Variants in TRAPPC10 observed in about 807,000 individuals in gnomAD.
TRAPPC10 encodes the protein trafficking protein particle complex subunit 10, also known as TRAPP 130 kDa subunit.
In TRAPPC10, 23 loss-of-function variants were observed where a neutral mutation model predicts 125.5. The observed-to-expected ratio is 0.18, with a 90% confidence interval of 0.13 to 0.26. The LOEUF (loss-of-function observed/expected upper bound fraction) is 0.26, where lower values mean the gene tolerates loss of function less well. TRAPPC10 is among the 10% of genes least tolerant of loss of function. The pLI, the probability that TRAPPC10 is intolerant of heterozygous loss-of-function variation, is 1.00. For synonymous variants in TRAPPC10, 509 were observed against 518.0 expected, an observed-to-expected ratio of 0.98 and a Z score of 0.24; for missense variants, 1,123 against 1,308.4, an observed-to-expected ratio of 0.86 and a Z score of 2.19.
In TRAPPC10 at chr21:44,059,324, G is replaced by T. The variant is rs1234705803; in HGVS notation, c.790+110G>T. 1 of 748,470 alleles carries T rather than the reference G, an allele frequency of 1.3e-6. No individual in the cohort carries two copies. The highest frequency in any genetic ancestry group is 2.3e-6 in the Non-Finnish European group (1 of 442,936). 46.4% of individuals were successfully genotyped at this position (748,470 alleles called of 1,614,324 possible). On this transcript the variant is annotated intron_variant, in intron 6 of 22. Coordinates refer to ENST00000291574, the MANE Select transcript of TRAPPC10 (RefSeq NM_003274.5). The surrounding 1 kb of genome is among the most constrained non-coding windows in gnomAD (Gnocchi z 4.4). ...ACCTCAGGAGTACGCATGTTTTGTT[G>T]TTGTCTTTATACACATTATATCGGA...
At chr21:44,028,846 T>G (rs1393654821) in intron 1 of TRAPPC10, among the ~76,000 whole-genome samples, 1 of 152,158 alleles carries the variant, frequency 6.6e-6, no homozygotes, top group Non-Finnish European at 1.5e-5. Context: ...AACCACCCTA[T>G]TAACAAGCGA....
chr21:44,063,686 C>T lies in TRAPPC10; in HGVS notation c.939C>T (p.Arg313=). Residue 313 remains arginine, a synonymous_variant, in exon 7 of 23, where the codon CGC becomes CGT. Coordinates refer to ENST00000291574, the MANE Select transcript of TRAPPC10 (RefSeq NM_003274.5). This position sits in a 1 kb window ranked among gnomAD's most constrained non-coding sequence, Gnocchi z 4.4. ...ATCTGCGCAGTTACCTGTTCTCTCG[C>T]CAGTGCACCTTGCTGCTCTTCCTGC... The part of the protein sequence containing the change: ...LLDLRSYLFS[R]QCTLLLFLQR... 6.2e-7 allele frequency: 1 copy of T among 1,614,206 alleles called. No homozygotes were observed. Among genetic ancestry groups the T allele is most frequent in the South Asian group, 1.1e-5 (1 of 91,090 alleles).
In TRAPPC10 at chr21:44,059,423, A is replaced by C. The variant is rs752205212; in HGVS notation, c.790+209A>C. 3 of 704,116 alleles carry C rather than the reference A, an allele frequency of 4.3e-6. No homozygotes were observed. In the South Asian group the frequency reaches 4.7e-5, roughly 11 times the overall value. 43.6% of individuals were successfully genotyped at this position (704,116 alleles called of 1,614,324 possible). A position where few individuals can be genotyped will look rare whatever the true frequency, so the allele number is the denominator to read the frequency against. On this transcript the variant is annotated intron_variant, in intron 6 of 22. Coordinates refer to ENST00000291574, the MANE Select transcript of TRAPPC10 (RefSeq NM_003274.5). The surrounding 1 kb of genome is among the most constrained non-coding windows in gnomAD (Gnocchi z 4.4). ...TCATTTTCACTTTTAGAAGAATCTTAAGTAACAAAAATAATAATAATTTAA... is the reference window on the plus strand; with the variant it reads ...TCATTTTCACTTTTAGAAGAATCTTCAGTAACAAAAATAATAATAATTTAA...
At chr21:44,058,580 T>C (rs2035788443) in intron 5 of TRAPPC10, among the ~76,000 whole-genome samples, 1 of 152,198 alleles carries the variant, frequency 6.6e-6, no homozygotes, top group Admixed American at 6.5e-5. Flanking sequence ...CTGTTAGGCA[T>C]CCACACAAGC....
At position 44,016,316 on chromosome 21, in the gene TRAPPC10, T is replaced by TCGAA. The variant is rs1490908787; in HGVS notation, c.67+3757_67+3758insGAAC. Among the ~76,000 whole-genome samples, 4 of 152,228 alleles carry TCGAA rather than the reference T, an allele frequency of 2.6e-5. No individual in the cohort carries two copies. The East Asian group carries it at 7.7e-4, about 29-fold the overall frequency. ...CAAGGGTGTATTAGGAAAGACACGT[T>TCGAA]CCTTTTCCAGCCATCTCATTCAGTT... On this transcript the variant is annotated intron_variant, in intron 1 of 22. Transcript: ENST00000291574.
chr21:44,076,621 A>G lies in TRAPPC10; in HGVS notation c.1370A>G (p.His457Arg), dbSNP rs1569201391. ...ALSSVEAFEK[H>R]YLDLSHATIE... ...TCGTCAGTGGAAGCTTTTGAAAAACACTACTTAGTAAGTATTAACAAGTGT... is the reference window on the plus strand; with the variant it reads ...TCGTCAGTGGAAGCTTTTGAAAAACGCTACTTAGTAAGTATTAACAAGTGT... Residue 457 changes from histidine (H) to arginine (R), a missense_variant, in exon 10 of 23, where the codon CAC (histidine) becomes CGC (arginine). By Grantham distance (29) the His-to-Arg change is conservative. This residue lies in a region of TRAPPC10 where 840 missense variants were observed against 902.0 expected (regional missense o/e 0.93). Transcript: ENST00000291574. 1 of 1,611,380 alleles carries G rather than the reference A, an allele frequency of 6.2e-7. No individual in the cohort carries two copies. The highest frequency in any genetic ancestry group is 8.5e-7 in the Non-Finnish European group (1 of 1,177,472).
chr21:44,082,484 C>T lies in TRAPPC10; in HGVS notation c.1724-304C>T, dbSNP rs866100372. ...AGAAATTGGACTATTTACAAATTGT[C>T]GTTTGAAATTGAGAGGTAGTTGACC... On this transcript the variant is annotated intron_variant, in intron 13 of 22. Coordinates refer to ENST00000291574, the MANE Select transcript of TRAPPC10 (RefSeq NM_003274.5). This position sits in a 1 kb window ranked among gnomAD's most constrained non-coding sequence, Gnocchi z 4.4. Among the ~76,000 whole-genome samples, 7 of 152,176 alleles carry T rather than the reference C, an allele frequency of 4.6e-5. No individual in the cohort carries two copies. The highest frequency in any genetic ancestry group is 1.2e-4 in the African/African-American group (5 of 41,430).
chr21:44,091,909 T>G lies in TRAPPC10; in HGVS notation c.2871-14T>G, dbSNP rs757960632. The G allele has an allele frequency of 6.2e-7, 1 of 1,612,420 alleles. No homozygotes were observed. The highest frequency in any genetic ancestry group is 8.5e-7 in the Non-Finnish European group (1 of 1,179,342). ...TTACATATCAAAATAATACTTTTTG[T>G]TTTTCCACTTTAGGAAATATGTTCA... is the stretch of plus-strand genomic sequence containing the variant. On this transcript the variant is annotated splice_polypyrimidine_tract_variant and intron_variant, in intron 18 of 22. Coordinates refer to ENST00000291574, the MANE Select transcript of TRAPPC10 (RefSeq NM_003274.5).
At chr21:44,084,307 A>C in intron 15 of TRAPPC10, 44 bp downstream of exon 15, 2 of 1,583,686 alleles carry the variant, frequency 1.3e-6, no homozygotes, top group Non-Finnish European at 1.7e-6. Flanking sequence ...CTGCTGGGGC[A>C]GTTCTGAGGA....
At chr21:44,025,801 A>G (rs140637666) in intron 1 of TRAPPC10, among the ~76,000 whole-genome samples, 41 of 144,272 alleles carry the variant, frequency 2.8e-4, no homozygotes, top group Non-Finnish European at 4.4e-4. Context: ...GGGTGCTGGG[A>G]GAGAGCAGCA....
At chr21:44,014,463 G>A (rs2031569552) in intron 1 of TRAPPC10, among the ~76,000 whole-genome samples, 1 of 151,572 alleles carries the variant, frequency 6.6e-6, no homozygotes, top group Non-Finnish European at 1.5e-5. Context: ...GCATGATCTC[G>A]GCCATGATCT....
At chr21:44,086,463 G>A (rs1335254469) in intron 15 of TRAPPC10, among the ~76,000 whole-genome samples, 1 of 152,232 alleles carries the variant, frequency 6.6e-6, no homozygotes, top group Non-Finnish European at 1.5e-5. Context: ...GCCTCATTAT[G>A]TGATTCTCTT....
At chr21:44,079,807 A>G (rs1601781290) in intron 12 of TRAPPC10, 103 bp downstream of exon 12, 1 of 1,308,000 alleles carries the variant, frequency 7.6e-7, no homozygotes. Flanking sequence ...AAGGAGAGAA[A>G]AGTCCTAACT....
chr21:44,015,242 T>G (rs1479949105), intron 1 of TRAPPC10, among the ~76,000 whole-genome samples: 1 of 152,192 alleles, frequency 6.6e-6, no homozygotes, highest in East Asian at 1.9e-4. Context: ...ATATTTTACT[T>G]CAGTGAAAAT....
At chr21:44,052,513 A>G (rs2035293639) in intron 4 of TRAPPC10, 37 bp downstream of exon 4, 1 of 1,546,760 alleles carries the variant, frequency 6.5e-7, no homozygotes, top group South Asian at 1.3e-5. Context: ...TTTGGTTAAT[A>G]CTTGACATGA....
At chr21:44,029,158 G>C (rs1321589987) in intron 1 of TRAPPC10, among the ~76,000 whole-genome samples, 2 of 152,148 alleles carry the variant, frequency 1.3e-5, no homozygotes, top group Admixed American at 6.5e-5. Flanking sequence ...GCAGTGGCGT[G>C]ATCTCGGCTC....
chr21:44,046,636 C>A, intron 3 of TRAPPC10: 1 of 216,266 alleles, frequency 4.6e-6, no homozygotes, highest in Non-Finnish European at 9.3e-6. Flanking sequence ...TTCATCCTCC[C>A]GAGTAGCTGG....
chr21:44,059,040 C>A lies in TRAPPC10; in HGVS notation c.679-63C>A. 7.6e-7 allele frequency: 1 copy of A among 1,308,998 alleles called. No homozygotes were observed. The highest frequency in any genetic ancestry group is 1.4e-5 in the South Asian group (1 of 70,492). The allele number at this position is 1,308,998 out of a possible 1,614,324, so 81.1% of individuals were successfully genotyped here. On this transcript the variant is annotated intron_variant, in intron 5 of 22. Transcript: ENST00000291574. The surrounding 1 kb of genome is among the most constrained non-coding windows in gnomAD (Gnocchi z 4.4). ...TTCTCTGTCGTTTAATGGCTACATACTGTTTCTTCTATACATTGATTTATG... is the reference window on the plus strand; with the variant it reads ...TTCTCTGTCGTTTAATGGCTACATAATGTTTCTTCTATACATTGATTTATG...
intron 1 of TRAPPC10, among the ~76,000 whole-genome samples, chr21:44,015,802 C>G (rs1009331427): frequency 6.6e-6 from 1 of 151,912 alleles, no homozygotes; most frequent in Non-Finnish European, 1.5e-5. Context: ...TTAATAGAGA[C>G]ACAGTTTCAC....
Sources: gnomAD v4.1 joint callset for allele counts (sites outside exome capture counted in the v4.1 genomes callset) on GRCh38, gnomAD v4.1.1 for gene constraint, gnomAD v4.1.1 regional missense constraint, Gnocchi (gnomAD v3.1) non-coding constraint, MANE v1.5 for transcripts, NCBI Gene and HGNC (gene_info 2026-07-23, HGNC 2026-07-21) for gene names.